The following TANC2 variants were observed in gnomAD, a reference collection of about 807,000 sequenced individuals.
TANC2 encodes protein TANC2.
TANC2 carries 26 observed loss-of-function variants against 210.5 expected under a neutral mutation model. The ratio of observed to expected loss-of-function variants is 0.12; its 90% CI spans 0.09 to 0.17. TANC2 has a LOEUF of 0.17. Among genes scored for constraint, TANC2 ranks in the 10% least tolerant of loss-of-function variants. The pLI, the probability that TANC2 is intolerant of heterozygous loss-of-function variation, is 1.00. For missense variants in TANC2, 2,129 were observed against 2,608.9 expected, an observed-to-expected ratio of 0.82 and a Z score of 4.01; for synonymous variants, 931 against 967.1, an observed-to-expected ratio of 0.96 and a Z score of 0.69.
intron 9 of TANC2, among the ~76,000 whole-genome samples, chr17:63,295,739 A>G (rs2044516040): frequency 6.6e-6 from 1 of 152,236 alleles, no homozygotes; most frequent in Non-Finnish European, 1.5e-5. Context: ...ATAATATAAT[A>G]GAAAAGGCCT....
intron 9 of TANC2, among the ~76,000 whole-genome samples, chr17:63,290,089 C>T (rs1456979306): frequency 1.3e-5 from 2 of 152,136 alleles, no homozygotes; most frequent in Non-Finnish European, 2.9e-5. Context: ...GAGGGCAGGC[C>T]TTGTTAAGAG....
At position 63,076,314 on chromosome 17, in the gene TANC2, A is replaced by G. The variant is rs184794291; in HGVS notation, c.139+2300A>G. Among the ~76,000 whole-genome samples the G allele has an allele frequency of 8.5e-5, 13 of 152,290 alleles. No individual in the cohort carries two copies. In the East Asian group the frequency reaches 2.1e-3, roughly 25 times the overall value. On this transcript the variant is annotated intron_variant, in intron 3 of 27. Coordinates refer to ENST00000689528, the Ensembl canonical transcript of TANC2. ...GAAGTCCCATGCTAAAAATGGGAGA[A>G]TTGGACCTTAGATATCTCTCTCCTG... is the stretch of plus-strand genomic sequence containing the variant.
chr17:63,198,924 T>G (rs921910823), intron 6 of TANC2, among the ~76,000 whole-genome samples: 1 of 152,206 alleles, frequency 6.6e-6, no homozygotes, highest in Admixed American at 6.5e-5. Context: ...GCTTACTGTG[T>G]TGTTAAGAAA....
chr17:63,278,703 T>C (rs1386020784), intron 9 of TANC2, among the ~76,000 whole-genome samples: 1 of 152,136 alleles, frequency 6.6e-6, no homozygotes, highest in Non-Finnish European at 1.5e-5. Context: ...TATTCACAAT[T>C]GCCAAGAGAC....
chr17:63,291,376 C>T (rs1158872543), intron 9 of TANC2, among the ~76,000 whole-genome samples: 3 of 152,204 alleles, frequency 2.0e-5, no homozygotes, highest in African/African-American at 4.8e-5. Context: ...ATACACATTT[C>T]TCTGCAGTTG....
chr17:63,330,039 A>G (rs1026983165), intron 11 of TANC2, among the ~76,000 whole-genome samples: 2 of 152,238 alleles, frequency 1.3e-5, no homozygotes, highest in Non-Finnish European at 2.9e-5. Flanking sequence ...TAGTGAACAC[A>G]TGAACAGTAA....
chr17:63,204,784 A>G (rs1209994368), intron 7 of TANC2, among the ~76,000 whole-genome samples: 1 of 152,180 alleles, frequency 6.6e-6, no homozygotes, highest in Non-Finnish European at 1.5e-5. Context: ...AAAGCAGTAT[A>G]AAGAGACCAG....
chr17:63,095,971 A>G (rs955170559), intron 3 of TANC2, among the ~76,000 whole-genome samples: 1 of 152,208 alleles, frequency 6.6e-6, no homozygotes, highest in Non-Finnish European at 1.5e-5. Flanking sequence ...CTAATTTTTA[A>G]CATTGGAACA....
intron 1 of TANC2, among the ~76,000 whole-genome samples, chr17:62,997,000 A>G (rs1334071726): frequency 1.8e-5 from 1 of 56,182 alleles, no homozygotes; most frequent in Non-Finnish European, 3.5e-5. Context: ...TTTTTAGTAT[A>G]GATGGGGTTT....
chr17:63,402,130 T>G (rs2048362185), intron 19 of TANC2, among the ~76,000 whole-genome samples: 1 of 152,202 alleles, frequency 6.6e-6, no homozygotes, highest in African/African-American at 2.4e-5. Context: ...GCCTGTCTTC[T>G]CCAGTAATTC....
At chr17:63,040,688 A>G (rs1402561949) in intron 2 of TANC2, among the ~76,000 whole-genome samples, 1 of 152,174 alleles carries the variant, frequency 6.6e-6, no homozygotes, top group African/African-American at 2.4e-5. Context: ...AATAGCACAG[A>G]AGAGCAGTAT....
Position 63,412,764 on chromosome 17 carries a change from CCTTCT to C in TANC2, c.3928+57_3928+61del. The C allele has an allele frequency of 6.5e-7, 1 of 1,531,302 alleles. No homozygotes were observed. Among genetic ancestry groups the C allele is most frequent in the South Asian group, 1.2e-5 (1 of 82,454 alleles). 94.9% of individuals were successfully genotyped at this position (1,531,302 alleles called of 1,614,324 possible). ...TGGTCTGATGGCTTGGTCAGCTTTG[CCTTCT>C]CCTCTTTGGTTTAGCCTGCATGAGT... On this transcript the variant is annotated intron_variant, in intron 24 of 27. Transcript: ENST00000689528. The surrounding 1 kb of genome is among the most constrained non-coding windows in gnomAD (Gnocchi z 4.2).
chr17:63,257,314 G>A (rs1001690962), intron 8 of TANC2, among the ~76,000 whole-genome samples: 1 of 151,486 alleles, frequency 6.6e-6, no homozygotes, highest in East Asian at 1.9e-4. Flanking sequence ...TCTGTTGTTG[G>A]CTTTTTGGTT....
intron 9 of TANC2, among the ~76,000 whole-genome samples, chr17:63,293,112 T>C (rs958140554): frequency 2.0e-5 from 3 of 152,190 alleles, no homozygotes; most frequent in Non-Finnish European, 4.4e-5. Context: ...CAAAAACTTA[T>C]TTCCTGGGAT....
intron 12 of TANC2, among the ~76,000 whole-genome samples, chr17:63,341,793 A>G (rs1007873518): frequency 1.3e-5 from 2 of 152,248 alleles, no homozygotes; most frequent in East Asian, 1.9e-4. Context: ...TCCTCAATTC[A>G]TAATCCGCTG....
chr17:63,421,868 C>T lies in TANC2; in HGVS notation c.6138C>T (p.Asn2046=), dbSNP rs1233885743. 1.2e-6 allele frequency: 2 copies of T among 1,613,914 alleles called. No individual in the cohort carries two copies. Among genetic ancestry groups the T allele is most frequent in the Non-Finnish European group, 8.5e-7 (1 of 1,179,906 alleles). The change falls in exon 28 of 28, where the codon AAC becomes AAT. Residue 2046 remains asparagine (N), a synonymous_variant. Transcript: ENST00000689528. The surrounding 1 kb of genome is among the most constrained non-coding windows in gnomAD (Gnocchi z 6.9). ...CTGTGGCTCAGGCATACCAGGACAACCTGTACAGGCAGCTGTCCCGAGACT... is the reference window on the plus strand; with the variant it reads ...CTGTGGCTCAGGCATACCAGGACAATCTGTACAGGCAGCTGTCCCGAGACT...
Position 63,418,512 on chromosome 17 carries a change from C to T in TANC2, c.4268+105C>T. ...CATATGTACCCAAATACATCTCTGT[C>T]CTTGAGAACTGTCAGGGCCAAGCTT... On this transcript the variant is annotated intron_variant, in intron 27 of 27. Transcript: ENST00000689528. This position sits in a 1 kb window ranked among gnomAD's most constrained non-coding sequence, Gnocchi z 4.6. The T allele has an allele frequency of 1.0e-6, 1 of 972,840 alleles. No homozygotes were observed. Among genetic ancestry groups the T allele is most frequent in the Non-Finnish European group, 1.5e-6 (1 of 653,744 alleles). The allele number at this position is 972,840 out of a possible 1,614,324, so 60.3% of individuals were successfully genotyped here.
At chr17:63,252,239 A>G (rs1022423722) in intron 8 of TANC2, among the ~76,000 whole-genome samples, 20 of 152,086 alleles carry the variant, frequency 1.3e-4, no homozygotes, top group African/African-American at 4.6e-4. Flanking sequence ...TTTAATTTTT[A>G]TGGGTCATAG....
At chr17:62,996,994 T>TTTTTTTTTTTTTTTTTTTTTTTTG (rs2033144497) in intron 1 of TANC2, among the ~76,000 whole-genome samples, 3 of 143,766 alleles carry the variant, frequency 2.1e-5, no homozygotes, top group South Asian at 4.5e-4. Flanking sequence ...TTTGTATTTT[T>TTTTTTTTTTTTTTTTTTTTTTTTG]AGTATAGATG....
Sources: gnomAD v4.1 joint callset for allele counts (sites outside exome capture counted in the v4.1 genomes callset) on GRCh38, gnomAD v4.1.1 for gene constraint, Gnocchi (gnomAD v3.1) non-coding constraint, MANE v1.5 for transcripts, NCBI Gene and HGNC (gene_info 2026-07-23, HGNC 2026-07-21) for gene names.